Variants in CA10 observed in about 807,000 individuals in gnomAD.
The protein encoded by CA10 is carbonic anhydrase-related protein 10.
In CA10, 14 loss-of-function variants were observed where a neutral mutation model predicts 44.2. The observed-to-expected ratio is 0.32, with a 90% CI of 0.21 to 0.50. The LOEUF (loss-of-function observed/expected upper bound fraction) is 0.50. Ranked by LOEUF, CA10 falls within the 20% of genes least tolerant of loss-of-function variation. The pLI is 0.99. For synonymous variants in CA10, 159 were observed against 141.6 expected, an observed-to-expected ratio of 1.12 and a Z score of -0.87; for missense variants, 350 against 409.7, an observed-to-expected ratio of 0.85 and a Z score of 1.26.
intron 3 of CA10, among the ~76,000 whole-genome samples, chr17:51,782,521 T>C (rs1305472149): frequency 6.6e-6 from 1 of 152,230 alleles, no homozygotes; most frequent in Non-Finnish European, 1.5e-5. Context: ...CATTGGTTCA[T>C]TTCTTTCTGA....
At chr17:51,751,813 A>G (rs909416671) in intron 3 of CA10, among the ~76,000 whole-genome samples, 7 of 152,216 alleles carry the variant, frequency 4.6e-5, no homozygotes, top group Non-Finnish European at 1.0e-4. Context: ...TGTGCCTTCT[A>G]GTTCTTCGAT....
chr17:51,654,495 T>C (rs1392885271), intron 4 of CA10, among the ~76,000 whole-genome samples: 1 of 152,198 alleles, frequency 6.6e-6, no homozygotes, highest in East Asian at 1.9e-4. Flanking sequence ...GATCTTTCCT[T>C]AAAATTCATC....
Position 51,749,820 on chromosome 17 carries a change from C to T in CA10, c.280-2002G>A, listed in dbSNP as rs146685131. On this transcript the variant is annotated intron_variant, in intron 3 of 8. Transcript: ENST00000451037. Reference sequence around the variant, plus strand: ...ACAGAGGAGACCACACACTGGGGAACGGGGGAGGGAATGGGGAGAATAACT... The same window carrying T: ...ACAGAGGAGACCACACACTGGGGAATGGGGGAGGGAATGGGGAGAATAACT... Among the ~76,000 whole-genome samples the T allele has an allele frequency of 6.4e-3, 969 of 152,256 alleles. 39 individuals are homozygous for T. Among genetic ancestry groups the T allele is most frequent in the Non-Finnish European group, 1.2e-3 (79 of 68,026 alleles).
chr17:51,909,551 A>G (rs1049875282), intron 3 of CA10, among the ~76,000 whole-genome samples: 5 of 152,168 alleles, frequency 3.3e-5, no homozygotes, highest in Non-Finnish European at 7.4e-5. Context: ...ATCCTTTATA[A>G]GAACAAAATT....
At chr17:52,055,816 T>C (rs1244327130) in intron 2 of CA10, among the ~76,000 whole-genome samples, 1 of 152,080 alleles carries the variant, frequency 6.6e-6, no homozygotes, top group Non-Finnish European at 1.5e-5. Flanking sequence ...GCAACTGATA[T>C]AGTGTTAGAA....
At position 51,955,106 on chromosome 17, in the gene CA10, T is replaced by G. The variant is rs188871260; in HGVS notation, c.137-23974A>C. ...GGCCTTCATAAAGGAACTGAAAACT[T>G]TGGGAGAAGTACTGAAAGGAATAGA... On this transcript the variant is annotated intron_variant, in intron 2 of 8. Coordinates refer to ENST00000451037, the MANE Select transcript of CA10 (RefSeq NM_020178.5). 5.1e-3 allele frequency among the ~76,000 whole-genome samples: 773 copies of G among 152,128 alleles called. 6 individuals carry two copies. Among genetic ancestry groups the G allele is most frequent in the African/African-American group, 0.018 (742 of 41,498 alleles).
chr17:51,880,997 G>C (rs1338630534), intron 3 of CA10, among the ~76,000 whole-genome samples: 1 of 152,032 alleles, frequency 6.6e-6, no homozygotes, highest in Non-Finnish European at 1.5e-5. Context: ...CAGCACTTTG[G>C]GAGGCCGAGA....
intron 3 of CA10, among the ~76,000 whole-genome samples, chr17:51,896,671 C>T (rs962320922): frequency 1.3e-5 from 2 of 152,124 alleles, no homozygotes; most frequent in Non-Finnish European, 2.9e-5. Flanking sequence ...ACTGTTTCCA[C>T]AGTGGCTGAA....
intron 3 of CA10, among the ~76,000 whole-genome samples, chr17:51,894,716 AAAT>A (rs1200958071): frequency 1.3e-5 from 2 of 152,264 alleles, no homozygotes; most frequent in East Asian, 1.9e-4. Context: ...TAAAAAATTA[AAAT>A]AATGAATTTG....
intron 2 of CA10, among the ~76,000 whole-genome samples, chr17:52,023,516 A>G (rs1332528144): frequency 6.6e-6 from 1 of 152,168 alleles, no homozygotes; most frequent in Non-Finnish European, 1.5e-5. Flanking sequence ...TAAAAATCCT[A>G]GAAGAAAACC....
At chr17:51,862,651 G>A (rs1291993484) in intron 3 of CA10, among the ~76,000 whole-genome samples, 2 of 152,106 alleles carry the variant, frequency 1.3e-5, no homozygotes, top group Admixed American at 1.3e-4. Flanking sequence ...TTAAACAACA[G>A]AAATTTATTT....
chr17:51,931,200 A>G, intron 2 of CA10, 68 bp from the exon 3 acceptor site: 1 of 1,484,612 alleles, frequency 6.7e-7, no homozygotes, highest in Middle Eastern at 1.8e-4. Context: ...AAATAAACAG[A>G]GCTATGTACA....
At chr17:51,951,870 A>G (rs996455384) in intron 2 of CA10, among the ~76,000 whole-genome samples, 4 of 152,300 alleles carry the variant, frequency 2.6e-5, no homozygotes, top group Middle Eastern at 3.4e-3. Context: ...TCCTGTATCC[A>G]GGAGGAAACA....
intron 3 of CA10, among the ~76,000 whole-genome samples, chr17:51,777,876 G>A (rs1405190467): frequency 6.6e-6 from 1 of 152,140 alleles, no homozygotes; most frequent in Non-Finnish European, 1.5e-5. Context: ...AGGCTGTAGT[G>A]AGCCATAATT....
chr17:51,695,392 G>A (rs980912185), intron 4 of CA10, among the ~76,000 whole-genome samples: 2 of 151,814 alleles, frequency 1.3e-5, no homozygotes, highest in Non-Finnish European at 1.5e-5. Flanking sequence ...CTCCTCTTTG[G>A]TTAGATGTAT....
At chr17:51,961,191 A>T (rs4116062) in intron 2 of CA10, among the ~76,000 whole-genome samples, 65 of 30,932 alleles carry the variant, frequency 2.1e-3, no homozygotes, top group African/African-American at 4.6e-3. Flanking sequence ...ACACACAAAC[A>T]CACACACACA....
At chr17:51,901,235 A>AAG (rs1981301487) in intron 3 of CA10, among the ~76,000 whole-genome samples, 1 of 152,036 alleles carries the variant, frequency 6.6e-6, no homozygotes, top group Non-Finnish European at 1.5e-5. Flanking sequence ...TTGCGGTATA[A>AAG]AGTGGGTTCA....
chr17:52,140,087 T>G lies in CA10; in HGVS notation c.61+17639A>C, dbSNP rs2143379779. ...GATCTGTGGTTGCCTGCACAAGGAT[T>G]GGAGAGGGACTGACTACAAAGAAAC... On this transcript the variant is annotated intron_variant, in intron 1 of 8. Transcript: ENST00000451037. 3.3e-5 allele frequency among the ~76,000 whole-genome samples: 5 copies of G among 152,290 alleles called. 1 individual carries two copies. The highest frequency in any genetic ancestry group is 3.3e-4 in the Admixed American group (5 of 15,298).
chr17:51,884,075 T>C (rs758541672), intron 3 of CA10, among the ~76,000 whole-genome samples: 14 of 152,176 alleles, frequency 9.2e-5, no homozygotes, highest in Non-Finnish European at 1.9e-4. Flanking sequence ...ATTTAACCTA[T>C]CAGCAAAATT....
Sources: gnomAD v4.1 joint callset for allele counts (sites outside exome capture counted in the v4.1 genomes callset) on GRCh38, gnomAD v4.1.1 for gene constraint, MANE v1.5 for transcripts, NCBI Gene and HGNC (gene_info 2026-07-23, HGNC 2026-07-21) for gene names.